The following HK3 variants were observed in gnomAD, a reference collection of about 807,000 sequenced individuals.
HK3 encodes the protein hexokinase 3, also known as hexokinase-3.
A neutral mutation model predicts 91.0 loss-of-function variants in HK3; 93 were observed. That is an observed-to-expected ratio of 1.02 (90% CI 0.86 to 1.21). The LOEUF (loss-of-function observed/expected upper bound fraction) is 1.21, where lower values mean the gene tolerates loss of function less well. Ranked by LOEUF, HK3 falls within the 50% of genes most tolerant of loss-of-function variation. HK3 has a pLI of 0.00. For missense variants in HK3, 1,235 were observed against 1,247.4 expected, an observed-to-expected ratio of 0.99 and a Z score of 0.15; for synonymous variants, 519 against 516.9, an observed-to-expected ratio of 1.00 and a Z score of -0.06.
At chr5:176,883,509 G>A (rs1450128982) in intron 15 of HK3, among the ~76,000 whole-genome samples, 1 of 152,088 alleles carries the variant, frequency 6.6e-6, no homozygotes, top group Non-Finnish European at 1.5e-5. Context: ...ACCCAAATCT[G>A]TACAACTCCA....
intron 15 of HK3, among the ~76,000 whole-genome samples, chr5:176,883,521 A>C (rs1233583105): frequency 1.3e-5 from 2 of 152,174 alleles, no homozygotes; most frequent in African/African-American, 2.4e-5. Context: ...ACAACTCCAA[A>C]GCTCAGATTC....
chr5:176,885,610 TGGG>T (rs1292243823), intron 13 of HK3, among the ~76,000 whole-genome samples: 1 of 151,944 alleles, frequency 6.6e-6, no homozygotes, highest in East Asian at 1.9e-4. Context: ...TTAGTAGAGA[TGGG>T]GTTTCAGCAT....
At position 176,889,665 on chromosome 5, in the gene HK3, C is replaced by A. The variant is rs749035627; in HGVS notation, c.710G>T (p.Cys237Phe). 1 of 1,614,180 alleles carries A rather than the reference C, an allele frequency of 6.2e-7. No individual in the cohort carries two copies. The highest frequency in any genetic ancestry group is 8.5e-7 in the Non-Finnish European group (1 of 1,180,034). ...MMGCEPGVRPCEVGLVVDTGT... is the reference protein window; with the variant it reads ...MMGCEPGVRPFEVGLVVDTGT... The stretch of plus-strand genomic sequence containing the variant: ...CTCACCTACAACTAGCCCAACCTCA[C>A]ACGGCCTGACCCCCGGCTCACAGCC... Residue 237 changes from cysteine (C) to phenylalanine (F), a missense_variant, in exon 7 of 19, where the codon TGT becomes TTT. Cys to Phe is a radical substitution (Grantham distance 205). Transcript: ENST00000292432.
rs199933594 is a variant in HK3, at chr5:176,881,574, C to T, written c.2394-39G>A. On this transcript the variant is annotated intron_variant, in intron 17 of 18. Coordinates refer to ENST00000292432, the MANE Select transcript of HK3 (RefSeq NM_002115.3). Reference sequence around the variant, plus strand: ...AGGAAGAGAGCACAGGGAGGTGGGTCGTGACTTCTCCCACTTCATCCTCCA... The same window carrying T: ...AGGAAGAGAGCACAGGGAGGTGGGTTGTGACTTCTCCCACTTCATCCTCCA... 2.5e-4 allele frequency: 401 copies of T among 1,585,826 alleles called. 2 individuals are homozygous for T. In the East Asian group the frequency reaches 6.6e-3, roughly 26 times the overall value.
chr5:176,885,082 G>A (rs1758547443), intron 13 of HK3, among the ~76,000 whole-genome samples: 1 of 152,170 alleles, frequency 6.6e-6, no homozygotes, highest in African/African-American at 2.4e-5. Flanking sequence ...GTGGGGAAGG[G>A]GAGGCAAAGG....
At position 176,881,685 on chromosome 5, in the gene HK3, C is replaced by T. The variant is rs148402833; in HGVS notation, c.2393+7G>A. ...GAAGTGGGGGAGGCAATGTAGGCCT[C>T]AGGCACCTTTCGATCTCAGAGAGGA... On this transcript the variant is annotated splice_region_variant and intron_variant, in intron 17 of 18. Coordinates refer to ENST00000292432, the MANE Select transcript of HK3 (RefSeq NM_002115.3). The T allele has an allele frequency of 6.1e-5, 98 of 1,614,044 alleles. No individual in the cohort carries two copies. In the African/African-American group the frequency reaches 1.3e-3, roughly 21 times the overall value.
At chr5:176,888,043 C>T (rs529650808) in intron 10 of HK3, among the ~76,000 whole-genome samples, 11 of 152,186 alleles carry the variant, frequency 7.2e-5, no homozygotes, top group South Asian at 2.1e-4. Context: ...AGATTACAGG[C>T]GTGTACCACC....
chr5:176,897,564 A>T (rs1428960947), intron 1 of HK3, among the ~76,000 whole-genome samples: 1 of 151,998 alleles, frequency 6.6e-6, no homozygotes, highest in African/African-American at 2.4e-5. Context: ...TAACTGCCCA[A>T]TCCCAAGCCT....
chr5:176,888,332 C>T lies in HK3; in HGVS notation c.1304G>A (p.Arg435Lys). The T allele has an allele frequency of 1.3e-6, 2 of 1,553,542 alleles. No individual in the cohort carries two copies. Among genetic ancestry groups the T allele is most frequent in the Non-Finnish European group, 1.7e-6 (2 of 1,147,424 alleles). ...CATGCGGATCACGTTTCCACAATAC[C>T]TGGGGTGCCGCTCACACACTCGGCC... ...TGGRVCERHP[R>K]FCSVLQGTVM... Residue 435 changes from arginine (R) to lysine (K), a missense_variant and splice_region_variant, in exon 10 of 19, where the codon AGG becomes AAG. This residue lies in a region of HK3 where 717 missense variants were observed against 751.6 expected (regional missense o/e 0.95). Coordinates refer to ENST00000292432, the MANE Select transcript of HK3 (RefSeq NM_002115.3).
In HK3 at chr5:176,887,135, C is replaced by T. The variant is rs1758611222; in HGVS notation, c.1738-14G>A. On this transcript the variant is annotated splice_polypyrimidine_tract_variant and intron_variant, in intron 12 of 18. Transcript: ENST00000292432. This position sits in a 1 kb window ranked among gnomAD's most constrained non-coding sequence, Gnocchi z 4.9. ...GTGGTCAAAGAGCTGTGGGGCAGGA[C>T]AGGTCAGGCGTAGGCACTGCTCAGC... The T allele has an allele frequency of 6.2e-7, 1 of 1,614,198 alleles. No individual in the cohort carries two copies. Among genetic ancestry groups the T allele is most frequent in the Non-Finnish European group, 8.5e-7 (1 of 1,180,036 alleles).
chr5:176,895,308 C>T (rs565550748), intron 2 of HK3, among the ~76,000 whole-genome samples: 2 of 147,782 alleles, frequency 1.4e-5, no homozygotes, highest in South Asian at 2.2e-4. Context: ...AACTCTTGAC[C>T]TCAGGTGATC....
At position 176,890,486 on chromosome 5, in the gene HK3, A is replaced by G. The variant is rs143084426; in HGVS notation, c.630+149T>C. ...AATGGGAATGGTAGCAACATGTACC[A>G]TGTATAGGTTAAACTGGATGGAGGT... On this transcript the variant is annotated intron_variant, in intron 6 of 18. Transcript: ENST00000292432. 8.9e-4 allele frequency: 633 copies of G among 709,134 alleles called. 5 individuals are homozygous for G. In the African/African-American group the frequency reaches 9.9e-3, roughly 11 times the overall value. 43.9% of individuals were successfully genotyped at this position (709,134 alleles called of 1,614,324 possible).
intron 1 of HK3, among the ~76,000 whole-genome samples, chr5:176,896,708 G>A (rs1758917658): frequency 6.6e-6 from 1 of 152,210 alleles, no homozygotes. Context: ...GCCAGGCTAA[G>A]GCACATGAAT....
intron 13 of HK3, 90 bp downstream of exon 13, chr5:176,886,912 C>T (rs1236440326): frequency 6.7e-7 from 1 of 1,502,608 alleles, no homozygotes. Context: ...CCGCCACCGC[C>T]CAGCCTTTTC....
chr5:176,886,338 C>G (rs1758583562), intron 13 of HK3, among the ~76,000 whole-genome samples: 1 of 151,746 alleles, frequency 6.6e-6, no homozygotes, highest in South Asian at 2.1e-4. Flanking sequence ...TTTCATTGAT[C>G]ACAGGTGTCT....
chr5:176,896,086 C>T lies in HK3; in HGVS notation c.74G>A (p.Gly25Glu), dbSNP rs375600420. 9.9e-5 allele frequency: 159 copies of T among 1,613,660 alleles called. No individual in the cohort carries two copies. The highest frequency in any genetic ancestry group is 6.6e-4 in the Middle Eastern group (4 of 6,062). The change falls in exon 2 of 19, where the codon GGG becomes GAG. Residue 25 changes from glycine to glutamate, a missense_variant. By Grantham distance (98) the Gly-to-Glu change is moderately conservative. Transcript: ENST00000292432. ...TACCAGCTCTGAGCTGTCTGAGGGCCCGGGCAAGCCCTCCTCAGAGCAACT... is the reference window on the plus strand; with the variant it reads ...TACCAGCTCTGAGCTGTCTGAGGGCTCGGGCAAGCCCTCCTCAGAGCAACT... ...TLSCSEEGLP[G>E]PSDSSELVQE...
intron 15 of HK3, among the ~76,000 whole-genome samples, chr5:176,882,359 A>T (rs1180309095): frequency 6.6e-6 from 1 of 152,238 alleles, no homozygotes; most frequent in Non-Finnish European, 1.5e-5. Flanking sequence ...CCATCAGTGC[A>T]TCCACCATGC....
In HK3 at chr5:176,887,364, G is replaced by A. The variant is rs758401695; in HGVS notation, c.1601-27C>T. 16 of 1,613,678 alleles carry A rather than the reference G, an allele frequency of 9.9e-6. No homozygotes were observed. Among genetic ancestry groups the A allele is most frequent in the East Asian group, 6.7e-5 (3 of 44,876 alleles). On this transcript the variant is annotated intron_variant, in intron 11 of 18. Transcript: ENST00000292432. This position sits in a 1 kb window ranked among gnomAD's most constrained non-coding sequence, Gnocchi z 4.9. ...TGTGGGGGCAGAGACCCTCAGTGCC[G>A]GGATAGGGCTTGTGGCTCCAGCCCC... is the stretch of plus-strand genomic sequence containing the variant.
rs534110333 is a variant in HK3 at position 176,885,910 on chromosome 5, A to T, written c.1857+1092T>A. The stretch of plus-strand genomic sequence containing the variant: ...CAAGACTGGCCCACTGCACCATCCA[A>T]AGGACCACCGTGTAAAAGAAAGCAG... On this transcript the variant is annotated intron_variant, in intron 13 of 18. Coordinates refer to ENST00000292432, the MANE Select transcript of HK3 (RefSeq NM_002115.3). 1.8e-3 allele frequency among the ~76,000 whole-genome samples: 275 copies of T among 152,102 alleles called. 2 individuals carry two copies. Among genetic ancestry groups the T allele is most frequent in the African/African-American group, 6.3e-3 (262 of 41,508 alleles).
Sources: gnomAD v4.1 joint callset for allele counts (sites outside exome capture counted in the v4.1 genomes callset) on GRCh38, gnomAD v4.1.1 for gene constraint, gnomAD v4.1.1 regional missense constraint, Gnocchi (gnomAD v3.1) non-coding constraint, MANE v1.5 for transcripts, NCBI Gene and HGNC (gene_info 2026-07-23, HGNC 2026-07-21) for gene names.